CHRM3: variants seen among roughly 807,000 people sequenced by gnomAD.
The protein encoded by CHRM3 is cholinergic receptor muscarinic 3, also known as muscarinic acetylcholine receptor M3.
A neutral mutation model predicts 41.8 loss-of-function variants in CHRM3; 11 were observed. That is an observed-to-expected ratio of 0.26 (90% confidence interval 0.17 to 0.44). CHRM3 has a LOEUF of 0.44. Among genes scored for constraint, CHRM3 ranks in the 20% least tolerant of loss-of-function variants. The probability of loss-of-function intolerance (pLI) is 1.00; values close to 1 mark genes in which losing one functional copy is unlikely to be tolerated. For missense variants in CHRM3, 571 were observed against 745.4 expected (o/e 0.77, Z 2.72); for synonymous variants, 297 against 301.4 (o/e 0.99, Z 0.15).
At chr1:239,428,123 C>T (rs567420138) in intron 1 of CHRM3, among the ~76,000 whole-genome samples, 11 of 152,186 alleles carry the variant, frequency 7.2e-5, no homozygotes, top group African/African-American at 1.2e-4. Context: ...TCTACAAGCA[C>T]GTGCTCGAAA....
chr1:239,425,117 A>G (rs959731354), intron 1 of CHRM3, among the ~76,000 whole-genome samples: 1 of 152,214 alleles, frequency 6.6e-6, no homozygotes, highest in Non-Finnish European at 1.5e-5. Context: ...TCACACAAAA[A>G]ATGACAACTT....
chr1:239,399,450 CT>C (rs1659777828), intron 1 of CHRM3, among the ~76,000 whole-genome samples: 1 of 151,198 alleles, frequency 6.6e-6, no homozygotes, highest in Non-Finnish European at 1.5e-5. Context: ...ATCTCTCAAA[CT>C]TATTCATCCT....
intron 2 of CHRM3, among the ~76,000 whole-genome samples, chr1:239,527,193 A>G (rs1393421991): frequency 6.6e-6 from 1 of 152,146 alleles, no homozygotes. Context: ...AATTTTAACA[A>G]CCTACAAAAC....
At chr1:239,437,700 T>C (rs1231476361) in intron 1 of CHRM3, among the ~76,000 whole-genome samples, 2 of 151,994 alleles carry the variant, frequency 1.3e-5, no homozygotes, top group African/African-American at 2.4e-5. Context: ...CACCCTCTTA[T>C]TGGGCCTGTG....
Position 239,658,953 on chromosome 1 carries a change from G to A in CHRM3, c.-249-19233G>A, listed in dbSNP as rs1412163563. Among the ~76,000 whole-genome samples the A allele has an allele frequency of 2.6e-5, 4 of 152,158 alleles. No homozygotes were observed. In the East Asian group the frequency reaches 7.7e-4, roughly 29 times the overall value. On this transcript the variant is annotated intron_variant, in intron 4 of 6. Transcript: ENST00000676153. ...GGGTGTCACCGTGTTAGCCAGGCTG[G>A]TCTCGAACTCTTGACCTCAAGTGAT...
chr1:239,407,994 A>G (rs1209033329), intron 1 of CHRM3, among the ~76,000 whole-genome samples: 1 of 152,086 alleles, frequency 6.6e-6, no homozygotes, highest in Non-Finnish European at 1.5e-5. Context: ...TAGGCAATTG[A>G]TATGGTTTGC....
intron 2 of CHRM3, among the ~76,000 whole-genome samples, chr1:239,517,809 C>T (rs557908622): frequency 6.6e-6 from 1 of 152,042 alleles, no homozygotes; most frequent in Non-Finnish European, 1.5e-5. Context: ...TATGGTGAAC[C>T]GGGAATAAAT....
intron 6 of CHRM3, among the ~76,000 whole-genome samples, chr1:239,859,457 A>G (rs145707478): frequency 0.051 from 7,036 of 137,184 alleles, 201 homozygotes; most frequent in East Asian, 0.063. Context: ...GTGGAGTCTC[A>G]CTCTGTTGCC....
At chr1:239,692,978 T>C (rs1659855760) in intron 5 of CHRM3, among the ~76,000 whole-genome samples, 1 of 152,210 alleles carries the variant, frequency 6.6e-6, no homozygotes, top group Non-Finnish European at 1.5e-5. Context: ...TCTATGAATT[T>C]TGTTCATGTA....
chr1:239,711,860 A>C (rs1435806418), intron 5 of CHRM3, among the ~76,000 whole-genome samples: 1 of 151,826 alleles, frequency 6.6e-6, no homozygotes, highest in Non-Finnish European at 1.5e-5. Flanking sequence ...TGCTAACTTT[A>C]AGACAAACAA....
chr1:239,416,043 A>G (rs1043445970), intron 1 of CHRM3, among the ~76,000 whole-genome samples: 3 of 152,208 alleles, frequency 2.0e-5, no homozygotes, highest in Non-Finnish European at 4.4e-5. Flanking sequence ...GTTCAGAGAA[A>G]TAAAAGAGGC....
chr1:239,856,130 C>T (rs1675095460), intron 6 of CHRM3, among the ~76,000 whole-genome samples: 1 of 152,114 alleles, frequency 6.6e-6, no homozygotes, highest in Non-Finnish European at 1.5e-5. Context: ...TCTCTATGTT[C>T]ACATCTCTAT....
chr1:239,715,383 T>C (rs948451287), intron 5 of CHRM3, among the ~76,000 whole-genome samples: 4 of 152,156 alleles, frequency 2.6e-5, no homozygotes, highest in Non-Finnish European at 4.4e-5. Context: ...AGTGGTGTTC[T>C]GATAAACCAG....
At chr1:239,404,458 GAAAGAAAGAAAA>G (rs1392094382) in intron 1 of CHRM3, among the ~76,000 whole-genome samples, 26 of 138,904 alleles carry the variant, frequency 1.9e-4, no homozygotes, top group African/African-American at 3.0e-4. Context: ...AAGAAAGAAA[GAAAGAAAGAAAA>G]AGAAAGAAAG....
chr1:239,542,263 A>T (rs1658855466), intron 2 of CHRM3, among the ~76,000 whole-genome samples: 1 of 152,160 alleles, frequency 6.6e-6, no homozygotes, highest in Admixed American at 6.5e-5. Context: ...GGAACTAGGG[A>T]TTGGTAAGAA....
rs762176377 is a variant in CHRM3, at chr1:239,907,829, G to A, written c.378G>A (p.Thr126=). 2.2e-5 allele frequency: 35 copies of A among 1,614,052 alleles called. 1 individual carries two copies. The Middle Eastern group carries it at 4.9e-4, about 23-fold the overall frequency. Residue 126 remains threonine (T), a synonymous_variant, in exon 7 of 7, where the codon ACG becomes ACA. Transcript: ENST00000676153. This position sits in a 1 kb window ranked among gnomAD's most constrained non-coding sequence, Gnocchi z 5.4. ...IIGVISMNLF[T]TYIIMNRWAL... ...GGGTCATTTCAATGAATCTGTTTAC[G>A]ACCTACATCATCATGAATCGATGGG... is the stretch of plus-strand genomic sequence containing the variant.
chr1:239,579,832 A>G (rs1036420484), intron 3 of CHRM3, among the ~76,000 whole-genome samples: 4 of 152,120 alleles, frequency 2.6e-5, no homozygotes, highest in African/African-American at 9.7e-5. Context: ...CTTCACATAC[A>G]CACTATAAGG....
intron 1 of CHRM3, among the ~76,000 whole-genome samples, chr1:239,435,435 C>T (rs962471532): frequency 2.1e-5 from 3 of 145,946 alleles, no homozygotes; most frequent in South Asian, 2.2e-4. Context: ...GGCGACAGAG[C>T]GAGACTCTCT....
intron 5 of CHRM3, among the ~76,000 whole-genome samples, chr1:239,747,871 A>G (rs1665502683): frequency 6.6e-6 from 1 of 152,064 alleles, no homozygotes; most frequent in Non-Finnish European, 1.5e-5. Context: ...ATCTCTACTA[A>G]AAATACAGAA....
Sources: allele counts gnomAD v4.1 joint callset (sites outside exome capture counted in the v4.1 genomes callset), GRCh38; gene constraint gnomAD v4.1.1; non-coding constraint Gnocchi (gnomAD v3.1); transcripts MANE v1.5; gene names NCBI Gene and HGNC (gene_info 2026-07-23, HGNC 2026-07-21).